Variants in SAMD12 observed in about 807,000 individuals in gnomAD.
The protein encoded by SAMD12 is sterile alpha motif domain-containing protein 12.
Under a neutral mutation model 15.0 loss-of-function variants are expected in SAMD12, and 9 were observed. The observed-to-expected ratio is 0.60, with a 90% CI of 0.36 to 1.05. The LOEUF (loss-of-function observed/expected upper bound fraction) is 1.05. SAMD12 is among the 50% of genes least tolerant of loss of function. SAMD12 has a pLI of 0.01. For missense variants in SAMD12, 230 were observed against 234.2 expected (o/e 0.98, Z 0.12); for synonymous variants, 86 against 90.1 (o/e 0.96, Z 0.25).
intron 1 of SAMD12, among the ~76,000 whole-genome samples, chr8:118,610,660 C>T (rs1353158036): frequency 6.6e-6 from 1 of 152,176 alleles, no homozygotes; most frequent in African/African-American, 2.4e-5. Flanking sequence ...TAGTCGAGTG[C>T]CTTCTACAAG....
intron 2 of SAMD12, among the ~76,000 whole-genome samples, chr8:118,508,149 G>T (rs1376656592): frequency 6.6e-6 from 1 of 150,930 alleles, no homozygotes; most frequent in Non-Finnish European, 1.5e-5. Context: ...GTGAGCCACT[G>T]TGCCGGGCTC....
At chr8:118,253,394 A>G (rs892602755) in intron 4 of SAMD12, among the ~76,000 whole-genome samples, 1 of 152,218 alleles carries the variant, frequency 6.6e-6, no homozygotes, top group Non-Finnish European at 1.5e-5. Context: ...GATTAAATAA[A>G]TTATCTACAG....
intron 2 of SAMD12, among the ~76,000 whole-genome samples, chr8:118,535,314 G>T (rs760742545): frequency 6.6e-6 from 1 of 152,184 alleles, no homozygotes; most frequent in Non-Finnish European, 1.5e-5. Context: ...TGGAAGCTTC[G>T]TCTCAAAGGG....
chr8:118,309,019 G>C (rs1586490124), intron 4 of SAMD12, among the ~76,000 whole-genome samples: 1 of 139,502 alleles, frequency 7.2e-6, no homozygotes, highest in Non-Finnish European at 1.7e-5. Flanking sequence ...ATAGGTTTTT[G>C]GGGAACAGGT....
chr8:118,413,338 T>C (rs1025843800), intron 3 of SAMD12, among the ~76,000 whole-genome samples: 1 of 152,204 alleles, frequency 6.6e-6, no homozygotes, highest in Non-Finnish European at 1.5e-5. Flanking sequence ...ATAAAAACAC[T>C]GTGTTTCTAA....
At chr8:118,294,305 T>G (rs532735053) in intron 4 of SAMD12, among the ~76,000 whole-genome samples, 3 of 152,186 alleles carry the variant, frequency 2.0e-5, no homozygotes, top group Non-Finnish European at 4.4e-5. Context: ...ACATCCTGAC[T>G]TTCCCCTGAG....
At chr8:118,586,661 A>G (rs1163886907) in intron 1 of SAMD12, among the ~76,000 whole-genome samples, 2 of 151,902 alleles carry the variant, frequency 1.3e-5, no homozygotes, top group Non-Finnish European at 2.9e-5. Flanking sequence ...TTCTTATATG[A>G]TCTGTATGTG....
intron 1 of SAMD12, among the ~76,000 whole-genome samples, chr8:118,594,432 T>C (rs1369678206): frequency 6.6e-6 from 1 of 152,038 alleles, no homozygotes; most frequent in Non-Finnish European, 1.5e-5. Context: ...CTATAGAAAC[T>C]CTGTGTCCCC....
intron 2 of SAMD12, among the ~76,000 whole-genome samples, chr8:118,456,050 C>T (rs1823240670): frequency 6.6e-6 from 1 of 152,210 alleles, no homozygotes; most frequent in African/African-American, 2.4e-5. Context: ...CTGATTGGGT[C>T]CTTCAGTGGC....
chr8:118,209,430 T>C (rs1225309801), intron 4 of SAMD12, among the ~76,000 whole-genome samples: 1 of 152,200 alleles, frequency 6.6e-6, no homozygotes, highest in Non-Finnish European at 1.5e-5. Context: ...AGTTATGAGA[T>C]GTCTTAATGA....
At chr8:118,440,268 AATTAC>A (rs1285027927) in intron 2 of SAMD12, among the ~76,000 whole-genome samples, 3 of 152,308 alleles carry the variant, frequency 2.0e-5, no homozygotes, top group Non-Finnish European at 4.4e-5. Flanking sequence ...CTAAGCAATT[AATTAC>A]ATTAAAGGGG....
intron 1 of SAMD12, among the ~76,000 whole-genome samples, chr8:118,605,164 A>G (rs1029545642): frequency 7.2e-5 from 11 of 152,280 alleles, no homozygotes; most frequent in African/African-American, 2.4e-4. Context: ...TAGCCTTGAC[A>G]ACGACCATCA....
intron 4 of SAMD12, among the ~76,000 whole-genome samples, chr8:118,296,853 A>G (rs1265143227): frequency 6.6e-6 from 1 of 152,232 alleles, no homozygotes; most frequent in Non-Finnish European, 1.5e-5. Context: ...CATGTATTCA[A>G]CAAACATCTG....
intron 4 of SAMD12, among the ~76,000 whole-genome samples, chr8:118,210,164 T>C (rs1037080617): frequency 7.2e-5 from 11 of 152,186 alleles, no homozygotes; most frequent in Admixed American, 6.5e-4. Context: ...GGGATAATAA[T>C]AGCTAACATT....
chr8:118,172,986 A>G, the SAMD12 span, among the ~76,000 whole-genome samples: 4 of 152,294 alleles, frequency 2.6e-5, no homozygotes, highest in South Asian at 6.2e-4. Context: ...TGCTGGTGGA[A>G]TCATGCGATA....
intron 4 of SAMD12, among the ~76,000 whole-genome samples, chr8:118,370,041 T>C (rs1819001513): frequency 6.6e-6 from 1 of 152,052 alleles, no homozygotes; most frequent in Admixed American, 6.6e-5. Context: ...ATATCCAGAA[T>C]CTATAAGGAA....
intron 1 of SAMD12, among the ~76,000 whole-genome samples, chr8:118,597,751 C>G (rs923657977): frequency 3.9e-5 from 6 of 152,216 alleles, no homozygotes; most frequent in Non-Finnish European, 5.9e-5. Context: ...CCATCATCAT[C>G]TCAGTGAAGA....
intron 4 of SAMD12, among the ~76,000 whole-genome samples, chr8:118,247,992 G>T (rs1423324902): frequency 6.6e-6 from 1 of 152,134 alleles, no homozygotes; most frequent in African/African-American, 2.4e-5. Flanking sequence ...GCCAAATGGT[G>T]CCAGACAGTC....
intron 4 of SAMD12, among the ~76,000 whole-genome samples, chr8:118,305,985 A>G (rs1815330962): frequency 1.3e-5 from 2 of 152,164 alleles, no homozygotes; most frequent in African/African-American, 2.4e-5. Context: ...CTACTACAAC[A>G]GTCCACTGGG....
Sources: gnomAD v4.1 joint callset for allele counts (sites outside exome capture counted in the v4.1 genomes callset) on GRCh38, gnomAD v4.1.1 for gene constraint, MANE v1.5 for transcripts, NCBI Gene and HGNC (gene_info 2026-07-23, HGNC 2026-07-21) for gene names.